PIK3CB: variants seen among roughly 807,000 people sequenced by gnomAD.
The protein encoded by PIK3CB is phosphatidylinositol-4,5-bisphosphate 3-kinase catalytic subunit beta.
In PIK3CB, 39 loss-of-function variants were observed where a neutral mutation model predicts 136.8. The observed-to-expected ratio is 0.29, with a 90% CI of 0.22 to 0.37. The LOEUF (loss-of-function observed/expected upper bound fraction) is 0.37, where lower values mean the gene tolerates loss of function less well. PIK3CB is among the 10% of genes least tolerant of loss of function. The probability of loss-of-function intolerance (pLI) is 1.00; values close to 1 mark genes in which losing one functional copy is unlikely to be tolerated. For missense variants in PIK3CB, 868 were observed against 1,275.4 expected, an observed-to-expected ratio of 0.68 and a Z score of 4.87; for synonymous variants, 428 against 436.6, an observed-to-expected ratio of 0.98 and a Z score of 0.25.
intron 2 of PIK3CB, among the ~76,000 whole-genome samples, chr3:138,770,708 CTTTTGT>C (rs1262162166): frequency 6.6e-6 from 1 of 151,920 alleles, no homozygotes; most frequent in African/African-American, 2.4e-5. Context: ...AACATTACTT[CTTTTGT>C]TTTTGTTTTT....
rs192500492 is a variant in PIK3CB at position 138,706,739 on chromosome 3, C to A, written c.1530+420G>T. The stretch of plus-strand genomic sequence containing the variant: ...ATGGCACGATCTTGGCTCACTGCAA[C>A]CTCCGCCTCCCGGGTTCAAGCAATT... On this transcript the variant is annotated intron_variant, in intron 11 of 23. Coordinates refer to ENST00000674063, the MANE Select transcript of PIK3CB (RefSeq NM_006219.3). Among the ~76,000 whole-genome samples, 18 of 152,276 alleles carry A rather than the reference C, an allele frequency of 1.2e-4. No individual in the cohort carries two copies. In the East Asian group the frequency reaches 3.5e-3, roughly 29 times the overall value.
intron 1 of PIK3CB, among the ~76,000 whole-genome samples, chr3:138,804,412 G>T (rs2046208961): frequency 2.0e-5 from 3 of 152,148 alleles, no homozygotes; most frequent in Non-Finnish European, 4.4e-5. Context: ...AACTCAGGAG[G>T]CTGAGGTGGA....
intron 12 of PIK3CB, 139 bp downstream of exon 12, chr3:138,704,304 T>C: frequency 1.4e-6 from 1 of 690,590 alleles, no homozygotes; most frequent in South Asian, 1.9e-5. Context: ...AACACTATCA[T>C]GTGCATACTT....
intron 2 of PIK3CB, among the ~76,000 whole-genome samples, chr3:138,788,980 A>AAC (rs2046016499): frequency 6.9e-6 from 1 of 145,052 alleles, no homozygotes; most frequent in Non-Finnish European, 1.5e-5. Flanking sequence ...AAAAAAAAAA[A>AAC]AAAAAAAAAA....
intron 19 of PIK3CB, among the ~76,000 whole-genome samples, chr3:138,673,516 C>A (rs1415063833): frequency 1.3e-4 from 19 of 151,986 alleles, no homozygotes; most frequent in African/African-American, 4.4e-4. Flanking sequence ...CTGAGGAAAG[C>A]AGTCAATTTG....
intron 17 of PIK3CB, 52 bp downstream of exon 17, chr3:138,684,573 C>G (rs1292454587): frequency 1.7e-5 from 24 of 1,384,876 alleles, no homozygotes; most frequent in Non-Finnish European, 3.9e-6. Context: ...AAGGCAGTGA[C>G]TTTCTGCTTG....
chr3:138,767,409 C>T (rs566973717), intron 2 of PIK3CB, among the ~76,000 whole-genome samples: 6 of 152,164 alleles, frequency 3.9e-5, no homozygotes, highest in Non-Finnish European at 8.8e-5. Context: ...GGGCTTCACA[C>T]AGTCCACTTT....
At chr3:138,721,422 C>T (rs1232091940) in intron 8 of PIK3CB, among the ~76,000 whole-genome samples, 2 of 152,184 alleles carry the variant, frequency 1.3e-5, no homozygotes, top group African/African-American at 2.4e-5. Flanking sequence ...GTCTGGGCCT[C>T]CCAAACTGCT....
chr3:138,830,474 AC>A (rs1412835082), intron 1 of PIK3CB, among the ~76,000 whole-genome samples: 2 of 151,944 alleles, frequency 1.3e-5, no homozygotes, highest in African/African-American at 2.4e-5. Context: ...AATTCCTTGA[AC>A]CCGGGAGGCG....
intron 8 of PIK3CB, among the ~76,000 whole-genome samples, chr3:138,716,966 A>T (rs185581126): frequency 1.8e-4 from 27 of 149,268 alleles, no homozygotes; most frequent in Admixed American, 6.0e-4. Flanking sequence ...AAATAAAAGT[A>T]GTTTACAGGC....
intron 8 of PIK3CB, among the ~76,000 whole-genome samples, chr3:138,725,846 CT>C (rs1461352140): frequency 6.6e-6 from 1 of 152,204 alleles, no homozygotes; most frequent in Non-Finnish European, 1.5e-5. Context: ...GTCTATTGAA[CT>C]ATCATTGTCC....
intron 2 of PIK3CB, among the ~76,000 whole-genome samples, chr3:138,767,698 C>T (rs1215761952): frequency 6.6e-6 from 1 of 152,212 alleles, no homozygotes; most frequent in African/African-American, 2.4e-5. Context: ...TGCAGCAGGG[C>T]AGGCAGCTCC....
intron 19 of PIK3CB, among the ~76,000 whole-genome samples, chr3:138,678,894 C>T (rs994599970): frequency 3.3e-5 from 5 of 151,982 alleles, no homozygotes; most frequent in South Asian, 2.1e-4. Flanking sequence ...GGTGAAACCT[C>T]GTCTCTACTA....
At chr3:138,778,281 C>A in intron 2 of PIK3CB, 1 of 393,736 alleles carries the variant, frequency 2.5e-6, no homozygotes, top group Non-Finnish European at 5.0e-6. Context: ...TTCTATACCA[C>A]TAACTGCTTA....
intron 2 of PIK3CB, among the ~76,000 whole-genome samples, chr3:138,787,957 C>G (rs1375351914): frequency 2.8e-5 from 4 of 142,044 alleles, no homozygotes; most frequent in African/African-American, 1.0e-4. Context: ...TGATCTTGCT[C>G]TGTCACCCAG....
intron 10 of PIK3CB, among the ~76,000 whole-genome samples, chr3:138,710,231 C>G (rs1229285944): frequency 2.0e-5 from 3 of 151,914 alleles, no homozygotes; most frequent in African/African-American, 7.3e-5. Flanking sequence ...ACACAGTTCT[C>G]CTACATTTGG....
chr3:138,702,086 T>C lies in PIK3CB; in HGVS notation c.1581+2357A>G, dbSNP rs891798076. On this transcript the variant is annotated intron_variant, in intron 12 of 23. Coordinates refer to ENST00000674063, the MANE Select transcript of PIK3CB (RefSeq NM_006219.3). ...GTAGGTGGGAGTCACAGAGAGAAAC[T>C]TTCATTTTTGGTTTACAATTTTTTT... 3.4e-5 allele frequency among the ~76,000 whole-genome samples: 5 copies of C among 146,338 alleles called. No individual in the cohort carries two copies. The Admixed American group carries it at 3.6e-4, about 11-fold the overall frequency.
In PIK3CB at chr3:138,665,943, A is replaced by G. The variant is rs368898218; in HGVS notation, c.2505-740T>C. 4.1e-4 allele frequency among the ~76,000 whole-genome samples: 63 copies of G among 152,292 alleles called. No individual in the cohort carries two copies. In the South Asian group the frequency reaches 8.5e-3, roughly 21 times the overall value. On this transcript the variant is annotated intron_variant, in intron 19 of 23. Transcript: ENST00000674063. ...CTTGAGTTGAGATTTTACCTCCCCA[A>G]TTAGATTGCAAACTCCTTGGAGACA...
intron 19 of PIK3CB, among the ~76,000 whole-genome samples, chr3:138,679,936 T>TAAAAAAAAAAAA (rs61222749): frequency 1.8e-5 from 2 of 110,848 alleles, no homozygotes; most frequent in Non-Finnish European, 1.9e-5. Flanking sequence ...AACACAAAAG[T>TAAAAAAAAAAAA]AAAAAAAAAA....
Sources: allele counts gnomAD v4.1 joint callset (sites outside exome capture counted in the v4.1 genomes callset), GRCh38; gene constraint gnomAD v4.1.1; transcripts MANE v1.5; gene names NCBI Gene and HGNC (gene_info 2026-07-23, HGNC 2026-07-21).